The following SYT14 variants were observed in gnomAD, a reference collection of about 807,000 sequenced individuals.
SYT14 encodes the protein synaptotagmin-14.
A neutral mutation model predicts 74.2 loss-of-function variants in SYT14; 32 were observed. The ratio of observed to expected loss-of-function variants is 0.43; its 90% CI spans 0.33 to 0.58. SYT14 has a LOEUF of 0.58. SYT14 is among the 20% of genes least tolerant of loss of function. The pLI, the probability that SYT14 is intolerant of heterozygous loss-of-function variation, is 0.05. For missense variants in SYT14, 791 were observed against 981.8 expected (o/e 0.81, Z 2.60); for synonymous variants, 298 against 337.7 (o/e 0.88, Z 1.29).
intron 8 of SYT14, chr1:210,156,858 A>G (rs1478798565): frequency 2.5e-6 from 1 of 405,396 alleles, no homozygotes; most frequent in South Asian, 1.8e-5. Flanking sequence ...ACACCTAGCT[A>G]TTATTTTGTA....
chr1:209,959,618 C>T (rs1315280485), intron 2 of SYT14, among the ~76,000 whole-genome samples: 1 of 151,996 alleles, frequency 6.6e-6, no homozygotes, highest in East Asian at 1.9e-4. Context: ...GAGAAAGAAA[C>T]CAGACATAAA....
chr1:210,120,960 A>G (rs2082449173), intron 7 of SYT14, among the ~76,000 whole-genome samples: 1 of 152,104 alleles, frequency 6.6e-6, no homozygotes, highest in South Asian at 2.1e-4. Flanking sequence ...TTTAGTGCCA[A>G]AGTTGTTAGA....
intron 7 of SYT14, among the ~76,000 whole-genome samples, chr1:210,140,959 C>G (rs1285092604): frequency 6.7e-6 from 1 of 149,698 alleles, no homozygotes; most frequent in East Asian, 2.0e-4. Context: ...TATTGTTTTT[C>G]AAGATTGTCT....
exon 6 of SYT14, chr1:210,094,585 A>G: frequency 6.2e-7 from 1 of 1,613,930 alleles, no homozygotes; most frequent in Non-Finnish European, 8.5e-7. Flanking sequence ...TGCAGTCCTG[A>G]GCCCTGAAGT....
intron 1 of SYT14, among the ~76,000 whole-genome samples, chr1:209,942,677 G>A (rs2078754932): frequency 6.6e-6 from 1 of 152,092 alleles, no homozygotes; most frequent in South Asian, 2.1e-4. Flanking sequence ...ATGCAAATCT[G>A]AGTTTCTTAA....
intron 2 of SYT14, among the ~76,000 whole-genome samples, chr1:209,984,877 G>A (rs574733930): frequency 6.6e-6 from 1 of 152,186 alleles, no homozygotes; most frequent in African/African-American, 2.4e-5. Flanking sequence ...TCAGTGGGGA[G>A]GTGCCACACA....
At chr1:210,087,834 G>A (rs1408336969) in intron 5 of SYT14, among the ~76,000 whole-genome samples, 4 of 152,096 alleles carry the variant, frequency 2.6e-5, no homozygotes, top group Non-Finnish European at 5.9e-5. Flanking sequence ...GCTCTGCACC[G>A]CTGTGGCTTC....
At chr1:210,019,357 G>A (rs1351855677) in intron 4 of SYT14, among the ~76,000 whole-genome samples, 3 of 152,000 alleles carry the variant, frequency 2.0e-5, no homozygotes, top group Non-Finnish European at 4.4e-5. Flanking sequence ...CCATCTCATT[G>A]TTGTCTAATA....
At chr1:210,153,016 A>C (rs2083197854) in intron 7 of SYT14, among the ~76,000 whole-genome samples, 1 of 152,218 alleles carries the variant, frequency 6.6e-6, no homozygotes, top group African/African-American at 2.4e-5. Flanking sequence ...GTATGAACTC[A>C]GTACAAACTA....
At chr1:210,087,115 G>A (rs846547) in intron 5 of SYT14, among the ~76,000 whole-genome samples, 16,761 of 151,964 alleles carry the variant, frequency 0.11, 1,207 homozygotes, top group Non-Finnish European at 0.14. Flanking sequence ...TGCCCTCATC[G>A]TCCTATCTAG....
chr1:210,106,492 G>T (rs1259977455), intron 7 of SYT14, among the ~76,000 whole-genome samples: 9 of 152,130 alleles, frequency 5.9e-5, no homozygotes, highest in Admixed American at 5.9e-4. Flanking sequence ...GTTCCACAGG[G>T]CTGGGGAGGC....
intron 2 of SYT14, among the ~76,000 whole-genome samples, chr1:209,993,562 C>A (rs2079732290): frequency 6.6e-6 from 1 of 152,156 alleles, no homozygotes; most frequent in African/African-American, 2.4e-5. Context: ...GGTTCCTGGA[C>A]CAGGGTGGGA....
chr1:210,013,939 A>G (rs1297051422), intron 3 of SYT14, 142 bp downstream of exon 3: 3 of 808,030 alleles, frequency 3.7e-6, no homozygotes, highest in Non-Finnish European at 5.6e-6. Context: ...AGATCTGTTA[A>G]GTAAATTATG....
intron 2 of SYT14, among the ~76,000 whole-genome samples, chr1:209,986,485 C>T (rs955926819): frequency 1.3e-4 from 19 of 151,766 alleles, no homozygotes; most frequent in Non-Finnish European, 2.4e-4. Flanking sequence ...AGGTGGCGGG[C>T]GCCTATAGTC....
At chr1:210,065,982 T>C (rs1160911896) in intron 5 of SYT14, among the ~76,000 whole-genome samples, 1 of 151,348 alleles carries the variant, frequency 6.6e-6, no homozygotes, top group Non-Finnish European at 1.5e-5. Context: ...TGGCGTTTGG[T>C]TTTTTGTCCT....
chr1:210,135,144 C>G (rs1008696813), intron 7 of SYT14, among the ~76,000 whole-genome samples: 1 of 152,094 alleles, frequency 6.6e-6, no homozygotes, highest in Admixed American at 6.5e-5. Context: ...CCACACCTGG[C>G]TAATTTTTTG....
chr1:209,999,339 G>A (rs948046310), intron 2 of SYT14, among the ~76,000 whole-genome samples: 2 of 152,114 alleles, frequency 1.3e-5, no homozygotes, highest in Non-Finnish European at 2.9e-5. Flanking sequence ...ATGGGAAACA[G>A]TATGGAGATA....
At chr1:209,939,426 C>T (rs12033498) in intron 1 of SYT14, among the ~76,000 whole-genome samples, 3,760 of 152,284 alleles carry the variant, frequency 0.025, 65 homozygotes, top group Non-Finnish European at 0.033. Flanking sequence ...ATCATGTGGA[C>T]TCCAAAGTAG....
At chr1:210,016,457 A>G (rs933057463) in exon 4 of SYT14, 1 of 1,231,986 alleles carries the variant, frequency 8.1e-7, no homozygotes, top group Non-Finnish European at 1.0e-6. Context: ...TAATGGTGGG[A>G]TATCAGTTAT....
Sources: allele counts gnomAD v4.1 joint callset (sites outside exome capture counted in the v4.1 genomes callset), GRCh38; gene constraint gnomAD v4.1.1; transcripts MANE v1.5; gene names NCBI Gene and HGNC (gene_info 2026-07-23, HGNC 2026-07-21).